HPS6: variants seen among roughly 807,000 people sequenced by gnomAD.
The protein encoded by HPS6 is BLOC-2 complex member HPS6.
A neutral mutation model predicts 53.6 loss-of-function variants in HPS6; 46 were observed. The observed-to-expected ratio is 0.86, with a 90% CI of 0.68 to 1.10. The LOEUF (loss-of-function observed/expected upper bound fraction) is 1.10. Among genes scored for constraint, HPS6 ranks in the 50% least tolerant of loss-of-function variants. The probability of loss-of-function intolerance (pLI) is 0.00; values close to 1 mark genes in which losing one functional copy is unlikely to be tolerated. For missense variants in HPS6, 1,034 were observed against 991.3 expected, an observed-to-expected ratio of 1.04 and a Z score of -0.58; for synonymous variants, 535 against 470.8, an observed-to-expected ratio of 1.14 and a Z score of -1.77.
Position 102,067,325 on chromosome 10 carries a change from C to T in HPS6, c.1851C>T (p.Thr617=). ...RALAVLGEEG[T]RPEALELELL... is the part of the protein sequence containing the mutation. ...TGGCAGTGCTAGGTGAGGAGGGGAC[C>T]AGGCCTGAGGCTCTGGAGCTAGAGC... is the stretch of plus-strand genomic sequence containing the variant. Residue 617 remains threonine (T), a synonymous_variant, in exon 1 of 1, where the codon ACC becomes ACT. Transcript: ENST00000299238. The T allele has an allele frequency of 1.9e-6, 3 of 1,613,188 alleles. No individual in the cohort carries two copies. The highest frequency in any genetic ancestry group is 2.5e-6 in the Non-Finnish European group (3 of 1,179,888).
At position 102,067,652 on chromosome 10, in the gene HPS6, A is replaced by T. The variant is rs200902694; in HGVS notation, c.2178A>T (p.Gly726=). Residue 726 remains glycine, a synonymous_variant, in exon 1 of 1, where the codon GGA becomes GGT. Coordinates refer to ENST00000299238, the MANE Select transcript of HPS6 (RefSeq NM_024747.6). ...VGPPTPFPEP[G]AEPPLTVGLL... ...CCCCAACCCCATTCCCTGAGCCTGG[A>T]GCAGAGCCCCCTCTCACTGTGGGCT... The T allele has an allele frequency of 2.2e-4, 359 of 1,613,942 alleles. 1 individual carries two copies. In the Admixed American group the frequency reaches 5.9e-3, roughly 27 times the overall value.
rs375038135 is a variant in HPS6, at chr10:102,065,927, G to A, written c.453G>A (p.Pro151=). ...AGCGGCAGGCCCGGGCCGAGGGCCC[G>A]TCAGGGTCGCCAGCAGCCGCTTTCA... The part of the protein sequence containing the change: ...CEERQARAEG[P]SGSPAAAFSH... Residue 151 remains proline, a synonymous_variant, in exon 1 of 1, where the codon CCG becomes CCA. Transcript: ENST00000299238. 3.5e-5 allele frequency: 55 copies of A among 1,560,988 alleles called. No individual in the cohort carries two copies. The highest frequency in any genetic ancestry group is 4.6e-5 in the Non-Finnish European group (54 of 1,162,940).
Position 102,067,584 on chromosome 10 carries a change from C to T in HPS6, c.2110C>T (p.Leu704Phe). The change falls in exon 1 of 1, where the codon CTC becomes TTC. Residue 704 changes from leucine to phenylalanine, a missense_variant. By Grantham distance (22) the Leu-to-Phe change is conservative. Transcript: ENST00000299238. Reference protein sequence around the residue: ...LCPPELAPAELLLLLRTYLPD... With the variant: ...LCPPELAPAEFLLLLRTYLPD... ...CCCACCAGAACTGGCTCCAGCTGAG[C>T]TCCTGCTTCTACTGAGGACATACCT... 3.1e-6 allele frequency: 5 copies of T among 1,613,792 alleles called. No homozygotes were observed. The highest frequency in any genetic ancestry group is 4.2e-6 in the Non-Finnish European group (5 of 1,180,034).
rs945569000 is a variant in HPS6 at position 102,066,428 on chromosome 10, C to T, written c.954C>T (p.Gly318=). ...PVGPWGSAAL[G]TFQGTLACVL... is the part of the protein sequence containing the mutation. The stretch of plus-strand genomic sequence containing the variant: ...GCCCGTGGGGGTCTGCAGCCCTAGG[C>T]ACATTTCAGGGCACTCTGGCCTGTG... Residue 318 remains glycine (G), a synonymous_variant, in exon 1 of 1, where the codon GGC becomes GGT. Transcript: ENST00000299238. 6 of 1,613,970 alleles carry T rather than the reference C, an allele frequency of 3.7e-6. No individual in the cohort carries two copies. In the African/African-American group the frequency reaches 8.0e-5, roughly 22 times the overall value.
rs2067979131 is a variant in HPS6, at chr10:102,067,295, A to C, written c.1821A>C (p.Arg607=). The change falls in exon 1 of 1, where the codon CGA becomes CGC. Residue 607 remains arginine (R), a synonymous_variant. Coordinates refer to ENST00000299238, the MANE Select transcript of HPS6 (RefSeq NM_024747.6). ...GCCCAGGACTGCCCCTGTATCGCCG[A>C]GCTCTGGCAGTGCTAGGTGAGGAGG... The part of the protein sequence containing the change: ...AGGPGLPLYR[R]ALAVLGEEGT... 1 of 1,612,892 alleles carries C rather than the reference A, an allele frequency of 6.2e-7. No individual in the cohort carries two copies. The highest frequency in any genetic ancestry group is 1.7e-5 in the Admixed American group (1 of 59,998).
rs1262650887 is a variant in HPS6, at chr10:102,066,530, G to T, written c.1056G>T (p.Arg352Ser). Residue 352 changes from arginine (R) to serine (S), a missense_variant, in exon 1 of 1, where the codon AGG becomes AGT. Arg to Ser is a moderately radical substitution (Grantham distance 110). Transcript: ENST00000299238. ...LLERKVLSTD[R>S]VHLLEPPAPG... ...AGAGGAAGGTCCTAAGTACAGACAG[G>T]GTACATCTGCTAGAACCGCCAGCCC... is the stretch of plus-strand genomic sequence containing the variant. The T allele has an allele frequency of 6.2e-7, 1 of 1,614,058 alleles. No homozygotes were observed. Among genetic ancestry groups the T allele is most frequent in the East Asian group, 2.2e-5 (1 of 44,902 alleles).
chr10:102,065,556 G>A lies in HPS6; in HGVS notation c.82G>A (p.Gly28Arg), dbSNP rs754584125. 1.5e-5 allele frequency: 24 copies of A among 1,548,972 alleles called. No homozygotes were observed. The highest frequency in any genetic ancestry group is 1.9e-5 in the Non-Finnish European group (22 of 1,159,284). Residue 28 changes from glycine to arginine, a missense_variant, in exon 1 of 1, where the codon GGG becomes AGG. Gly to Arg is a moderately radical substitution (Grantham distance 125). Transcript: ENST00000299238. Reference sequence around the variant, plus strand: ...GGCGCGGCTCCGGGAGCTGGTGGCCGGGGACTCAGCGGTCCGAGTCCGTGG... The same window carrying A: ...GGCGCGGCTCCGGGAGCTGGTGGCCAGGGACTCAGCGGTCCGAGTCCGTGG... ...GAARLRELVA[G>R]DSAVRVRGSP...
chr10:102,066,949 G>T lies in HPS6; in HGVS notation c.1475G>T (p.Arg492Leu), dbSNP rs369226731. The change falls in exon 1 of 1, where the codon CGC becomes CTC. Residue 492 changes from arginine (R) to leucine (L), a missense_variant. By Grantham distance (102) the Arg-to-Leu change is moderately radical. Coordinates refer to ENST00000299238, the MANE Select transcript of HPS6 (RefSeq NM_024747.6). ...WTELAEQEVA[R>L]LLRTELIGDQ... is the part of the protein sequence containing the mutation. Reference sequence around the variant, plus strand: ...GAGCTGGCGGAGCAGGAAGTGGCACGCCTGCTGAGGACTGAGTTGATAGGA... The same window carrying T: ...GAGCTGGCGGAGCAGGAAGTGGCACTCCTGCTGAGGACTGAGTTGATAGGA... The T allele has an allele frequency of 3.7e-6, 6 of 1,614,046 alleles. No individual in the cohort carries two copies. The highest frequency in any genetic ancestry group is 1.7e-5 in the Admixed American group (1 of 60,006).
At position 102,066,148 on chromosome 10, in the gene HPS6, A is replaced by G. The variant is rs781420368; in HGVS notation, c.674A>G (p.Lys225Arg). 5.0e-6 allele frequency: 8 copies of G among 1,613,724 alleles called. No individual in the cohort carries two copies. The highest frequency in any genetic ancestry group is 5.9e-6 in the Non-Finnish European group (7 of 1,180,042). Residue 225 changes from lysine to arginine, a missense_variant, in exon 1 of 1, where the codon AAA becomes AGA. Transcript: ENST00000299238. ...VLLIWSPGKGKVMVAAPRLGL... is the reference protein window; with the variant it reads ...VLLIWSPGKGRVMVAAPRLGL... ...CTCATCTGGAGCCCAGGCAAGGGCA[A>G]AGTGATGGTGGCTGCCCCACGGCTT...
In HPS6 at chr10:102,065,628, G is replaced by C. The variant is rs762298749; in HGVS notation, c.154G>C (p.Val52Leu). The C allele has an allele frequency of 1.3e-6, 2 of 1,552,930 alleles. No individual in the cohort carries two copies. Among genetic ancestry groups the C allele is most frequent in the Non-Finnish European group, 1.7e-6 (2 of 1,161,134 alleles). ...HLLLLRPPGA[V>L]APQLLVASRG... is the part of the protein sequence containing the mutation. Reference sequence around the variant, plus strand: ...GCTGCTCCTGCGACCCCCTGGGGCGGTAGCCCCACAGCTGCTAGTCGCGTC... The same window carrying C: ...GCTGCTCCTGCGACCCCCTGGGGCGCTAGCCCCACAGCTGCTAGTCGCGTC... Residue 52 changes from valine (V) to leucine (L), a missense_variant, in exon 1 of 1, where the codon GTA (valine) becomes CTA (leucine). Coordinates refer to ENST00000299238, the MANE Select transcript of HPS6 (RefSeq NM_024747.6).
Position 102,067,910 on chromosome 10 carries a change from A to G in HPS6, c.*108A>G, listed in dbSNP as rs995198317. The G allele has an allele frequency of 5.2e-6, 7 of 1,346,564 alleles. No homozygotes were observed. The highest frequency in any genetic ancestry group is 1.7e-5 in the Admixed American group (1 of 57,478). The allele number at this position is 1,346,564 out of a possible 1,614,324, so 83.4% of individuals were successfully genotyped here. On this transcript the variant is annotated 3_prime_UTR_variant, in exon 1 of 1. Transcript: ENST00000299238. The stretch of plus-strand genomic sequence containing the variant: ...TGACACAGGAAATCATTTCTAGGAC[A>G]CAGTGATCAGGGAAGGGTGCCTGGG...
In HPS6 at chr10:102,066,072, C is replaced by G. The variant is rs2067967271; in HGVS notation, c.598C>G (p.Leu200Val). Residue 200 changes from leucine (L) to valine (V), a missense_variant, in exon 1 of 1, where the codon CTC becomes GTC. Leu to Val is a conservative substitution (Grantham distance 32). Transcript: ENST00000299238. ...CGGGCTGCTGGCCTCCTGCAGACAA[C>G]TCTTCCTGGTGCCCACTGCCACCAC... ...AFGLLASCRQLFLVPTATTWP... is the reference protein window; with the variant it reads ...AFGLLASCRQVFLVPTATTWP... 1.2e-6 allele frequency: 2 copies of G among 1,612,240 alleles called. No homozygotes were observed. Among genetic ancestry groups the G allele is most frequent in the Non-Finnish European group, 1.7e-6 (2 of 1,180,028 alleles).
rs781420368 is a variant in HPS6 at position 102,066,148 on chromosome 10, A to C, written c.674A>C (p.Lys225Thr). Residue 225 changes from lysine to threonine, a missense_variant, in exon 1 of 1, where the codon AAA becomes ACA. By Grantham distance (78) the Lys-to-Thr change is moderately conservative. Transcript: ENST00000299238. ...VLLIWSPGKG[K>T]VMVAAPRLGL... ...CTCATCTGGAGCCCAGGCAAGGGCA[A>C]AGTGATGGTGGCTGCCCCACGGCTT... The C allele has an allele frequency of 1.2e-6, 2 of 1,613,842 alleles. No homozygotes were observed. The highest frequency in any genetic ancestry group is 1.7e-6 in the Non-Finnish European group (2 of 1,180,034).
chr10:102,065,516 C>A lies in HPS6; in HGVS notation c.42C>A (p.Ser14Arg), dbSNP rs769859747. ...SGTLRLLSDL[S>R]AFGGAARLRE... is the part of the protein sequence containing the mutation. ...CTCTGCGGCTGCTCTCGGACCTGAG[C>A]GCCTTCGGCGGCGCGGCGCGGCTCC... is the stretch of plus-strand genomic sequence containing the variant. Residue 14 changes from serine to arginine, a missense_variant, in exon 1 of 1, where the codon AGC becomes AGA. Coordinates refer to ENST00000299238, the MANE Select transcript of HPS6 (RefSeq NM_024747.6). The A allele has an allele frequency of 2.6e-6, 4 of 1,554,958 alleles. No individual in the cohort carries two copies. Among genetic ancestry groups the A allele is most frequent in the Non-Finnish European group, 3.4e-6 (4 of 1,162,130 alleles).
Position 102,066,973 on chromosome 10 carries a change from G to C in HPS6, c.1499G>C (p.Gly500Ala). The C allele has an allele frequency of 6.2e-7, 1 of 1,614,190 alleles. No individual in the cohort carries two copies. Among genetic ancestry groups the C allele is most frequent in the Non-Finnish European group, 8.5e-7 (1 of 1,180,046 alleles). ...VARLLRTELI[G>A]DQLAQLNTVF... The stretch of plus-strand genomic sequence containing the variant: ...CGCCTGCTGAGGACTGAGTTGATAG[G>C]AGACCAGCTAGCCCAGCTCAACACC... The change falls in exon 1 of 1, where the codon GGA (glycine) becomes GCA (alanine). Residue 500 changes from glycine (G) to alanine (A), a missense_variant. Coordinates refer to ENST00000299238, the MANE Select transcript of HPS6 (RefSeq NM_024747.6).
At position 102,067,600 on chromosome 10, in the gene HPS6, G is replaced by A. The variant is rs749961980; in HGVS notation, c.2126G>A (p.Arg709Lys). 6.2e-7 allele frequency: 1 copy of A among 1,613,834 alleles called. No individual in the cohort carries two copies. Among genetic ancestry groups the A allele is most frequent in the South Asian group, 1.1e-5 (1 of 91,092 alleles). ...LAPAELLLLL[R>K]TYLPDEVGPP... ...CCAGCTGAGCTCCTGCTTCTACTGA[G>A]GACATACCTCCCAGATGAGGTGGGG... The change falls in exon 1 of 1, where the codon AGG becomes AAG. Residue 709 changes from arginine to lysine, a missense_variant. Coordinates refer to ENST00000299238, the MANE Select transcript of HPS6 (RefSeq NM_024747.6).
At position 102,065,910 on chromosome 10, in the gene HPS6, G is replaced by A. The variant is rs1257149474; in HGVS notation, c.436G>A (p.Ala146Thr). The A allele has an allele frequency of 1.9e-6, 3 of 1,545,746 alleles. No homozygotes were observed. The highest frequency in any genetic ancestry group is 2.6e-6 in the Non-Finnish European group (3 of 1,153,714). Residue 146 changes from alanine to threonine, a missense_variant, in exon 1 of 1, where the codon GCC (alanine) becomes ACC (threonine). Coordinates refer to ENST00000299238, the MANE Select transcript of HPS6 (RefSeq NM_024747.6). ...GRLVWCEERQARAEGPSGSPA... is the reference protein window; with the variant it reads ...GRLVWCEERQTRAEGPSGSPA... ...CCTGGTGTGGTGCGAGGAGCGGCAG[G>A]CCCGGGCCGAGGGCCCGTCAGGGTC... is the stretch of plus-strand genomic sequence containing the variant.
In HPS6 at chr10:102,065,358, C is replaced by T. The variant is rs537468504; in HGVS notation, c.-117C>T. The T allele has an allele frequency of 7.3e-5, 80 of 1,090,484 alleles. No individual in the cohort carries two copies. The Admixed American group carries it at 1.0e-3, about 14-fold the overall frequency. The allele number at this position is 1,090,484 out of a possible 1,614,324, so 67.6% of individuals were successfully genotyped here. ...CGACGCTCGGCCCGGCCTCTGCTCA[C>T]CTCATCCACGGGAGACGGAAGTCTT... On this transcript the variant is annotated 5_prime_UTR_variant, in exon 1 of 1. Coordinates refer to ENST00000299238, the MANE Select transcript of HPS6 (RefSeq NM_024747.6).
In HPS6 at chr10:102,067,338, C is replaced by T. The variant is rs902217857; in HGVS notation, c.1864C>T (p.Leu622=). The T allele has an allele frequency of 1.9e-6, 3 of 1,613,112 alleles. No homozygotes were observed. The highest frequency in any genetic ancestry group is 2.7e-5 in the African/African-American group (2 of 74,928). ...LGEEGTRPEA[L]ELELLLSSGR... The stretch of plus-strand genomic sequence containing the variant: ...TGAGGAGGGGACCAGGCCTGAGGCT[C>T]TGGAGCTAGAGCTGCTCTTGAGCAG... The change falls in exon 1 of 1, where the codon CTG becomes TTG. Residue 622 remains leucine (L), a synonymous_variant. Transcript: ENST00000299238.
Sources: gnomAD v4.1 joint callset for allele counts on GRCh38, gnomAD v4.1.1 for gene constraint, MANE v1.5 for transcripts, NCBI Gene and HGNC (gene_info 2026-07-23, HGNC 2026-07-21) for gene names.